MGAM2: variants seen among roughly 807,000 people sequenced by gnomAD.
MGAM2 encodes maltase-glucoamylase 2 (putative).
MGAM2 carries 98 observed loss-of-function variants against 96.1 expected under a neutral mutation model. The ratio of observed to expected loss-of-function variants is 1.02; its 90% confidence interval spans 0.87 to 1.21. MGAM2 has a LOEUF of 1.21. Among genes scored for constraint, MGAM2 ranks in the 50% most tolerant of loss-of-function variants. The pLI is 0.00. For missense variants in MGAM2, 2,055 were observed against 1,182.4 expected (o/e 1.74, Z -10.82); for synonymous variants, 749 against 414.8 (o/e 1.81, Z -9.79).
intron 46 of MGAM2, among the ~76,000 whole-genome samples, chr7:142,209,902 T>C (rs1173839809): frequency 6.6e-6 from 1 of 152,160 alleles, no homozygotes; most frequent in African/African-American, 2.4e-5. Flanking sequence ...CAAAAATGAT[T>C]TGTGGGCTTC....
intron 33 of MGAM2, among the ~76,000 whole-genome samples, chr7:142,184,747 CTTA>C (rs747114233): frequency 6.6e-6 from 1 of 152,122 alleles, no homozygotes. Flanking sequence ...ACACTTCATA[CTTA>C]TTATGAATTT....
intron 45 of MGAM2, among the ~76,000 whole-genome samples, chr7:142,203,342 AT>A (rs1295871738): frequency 6.6e-6 from 1 of 152,082 alleles, no homozygotes; most frequent in African/African-American, 2.4e-5. Flanking sequence ...AGCCAAAAAT[AT>A]TTTGCCAAGA....
At chr7:142,187,392 G>T (rs78925886) in intron 35 of MGAM2, among the ~76,000 whole-genome samples, 6,735 of 152,270 alleles carry the variant, frequency 0.044, 499 homozygotes, top group African/African-American at 0.15. Context: ...CCTCTGTTGG[G>T]GAGTTGTATC....
intron 23 of MGAM2, among the ~76,000 whole-genome samples, chr7:142,163,916 A>G (rs1262686099): frequency 6.6e-6 from 1 of 152,146 alleles, no homozygotes; most frequent in Non-Finnish European, 1.5e-5. Context: ...AATCTAATTT[A>G]TCATTATTTT....
At position 142,189,452 on chromosome 7, in the gene MGAM2, G is replaced by C; in HGVS notation, c.4293G>C (p.Glu1431Asp). The change falls in exon 37 of 48, where the codon GAG becomes GAC. Residue 1431 changes from glutamate (E) to aspartate (D), a missense_variant. Physicochemically the swap from Glu to Asp is conservative, Grantham distance 45 (BLOSUM62 2). Coordinates refer to ENST00000477922, the MANE Select transcript of MGAM2 (RefSeq NM_001293626.2). Reference protein sequence around the residue: ...QQILPDSSPVEHYNVHNLYGW... With the variant: ...QQILPDSSPVDHYNVHNLYGW... ...TCCTGCCGGACAGCTCCCCCGTGGAGCACTACAACGTGCACAACCTGTACG... is the reference window on the plus strand; with the variant it reads ...TCCTGCCGGACAGCTCCCCCGTGGACCACTACAACGTGCACAACCTGTACG... 1.2e-6 allele frequency: 1 copy of C among 843,492 alleles called. No homozygotes were observed. The highest frequency in any genetic ancestry group is 1.4e-5 in the South Asian group (1 of 69,974). The allele number at this position is 843,492 out of a possible 1,614,324, so 52.3% of individuals were successfully genotyped here.
intron 2 of MGAM2, among the ~76,000 whole-genome samples, chr7:142,117,631 C>T (rs538434477): frequency 1.3e-5 from 2 of 152,164 alleles, no homozygotes; most frequent in Non-Finnish European, 1.5e-5. Context: ...AAGAAGCTGT[C>T]CTGATGGCAG....
intron 32 of MGAM2, among the ~76,000 whole-genome samples, chr7:142,182,425 C>A (rs374777338): frequency 6.6e-6 from 1 of 152,176 alleles, no homozygotes; most frequent in Non-Finnish European, 1.5e-5. Context: ...GGAAAGACAA[C>A]GCTGCTGTCT....
At chr7:142,211,169 A>C (rs1371474448) in intron 46 of MGAM2, among the ~76,000 whole-genome samples, 2 of 152,194 alleles carry the variant, frequency 1.3e-5, no homozygotes, top group Non-Finnish European at 2.9e-5. Flanking sequence ...ATGACCATGC[A>C]AAAAATCCAT....
intron 21 of MGAM2, 131 bp downstream of exon 21, chr7:142,160,389 T>G: frequency 1.8e-6 from 1 of 561,540 alleles, no homozygotes; most frequent in South Asian, 2.4e-5. Flanking sequence ...CTTCCCCCAC[T>G]CCTTTCAAAA....
In MGAM2 at chr7:142,161,939, C is replaced by A. The variant is rs1347079424; in HGVS notation, c.2435-16C>A. 2.9e-6 allele frequency: 2 copies of A among 690,208 alleles called. No individual in the cohort carries two copies. Among genetic ancestry groups the A allele is most frequent in the Middle Eastern group, 2.3e-4 (1 of 4,318 alleles). The allele number at this position is 690,208 out of a possible 1,614,324, so 42.8% of individuals were successfully genotyped here. A position where few individuals can be genotyped will look rare whatever the true frequency, so the allele number is the denominator to read the frequency against. On this transcript the variant is annotated splice_polypyrimidine_tract_variant and intron_variant, in intron 22 of 47. Transcript: ENST00000477922. ...TTGGCTTCCCATAGTAACCGGTACT[C>A]CTCTTTCTTTTTTAGATGCTGTGAC...
intron 25 of MGAM2, among the ~76,000 whole-genome samples, chr7:142,166,899 C>T (rs1796043780): frequency 6.6e-6 from 1 of 152,174 alleles, no homozygotes; most frequent in Non-Finnish European, 1.5e-5. Flanking sequence ...GAGCTGGTTC[C>T]TTCTGAGGAC....
At chr7:142,119,536 C>T (rs57873731) in intron 2 of MGAM2, among the ~76,000 whole-genome samples, 18,005 of 152,192 alleles carry the variant, frequency 0.12, 1,248 homozygotes, top group Admixed American at 0.24. Flanking sequence ...CATGACCTAA[C>T]AATTCCACTT....
At chr7:142,217,736 AT>A (rs1350682556) in intron 46 of MGAM2, among the ~76,000 whole-genome samples, 1 of 152,152 alleles carries the variant, frequency 6.6e-6, no homozygotes, top group Non-Finnish European at 1.5e-5. Context: ...ACAACAATTT[AT>A]TGTATATTTC....
intron 17 of MGAM2, among the ~76,000 whole-genome samples, chr7:142,155,137 G>A (rs1563264331): frequency 6.6e-6 from 1 of 152,140 alleles, no homozygotes; most frequent in Non-Finnish European, 1.5e-5. Flanking sequence ...TATAGGATAG[G>A]ACAATTGGAA....
Position 142,220,575 on chromosome 7 carries a change from A to G in MGAM2, c.6064A>G (p.Thr2022Ala), listed in dbSNP as rs1233048015. ...TAATGCTACCCCTGTTCCTATCACA[A>G]CCACACTTTTTGCAACAAGTACTAT... Reference protein sequence around the residue: ...STNATPVPITTTLFATSTIGV... With the variant: ...STNATPVPITATLFATSTIGV... Residue 2022 changes from threonine (T) to alanine (A), a missense_variant, in exon 48 of 48, where the codon ACC becomes GCC. Thr to Ala is a moderately conservative substitution (Grantham distance 58). Coordinates refer to ENST00000477922, the MANE Select transcript of MGAM2 (RefSeq NM_001293626.2). 2.9e-6 allele frequency: 2 copies of G among 698,354 alleles called. No homozygotes were observed. The highest frequency in any genetic ancestry group is 5.2e-6 in the Non-Finnish European group (2 of 384,628). 43.3% of individuals were successfully genotyped at this position (698,354 alleles called of 1,614,324 possible).
intron 1 of MGAM2, among the ~76,000 whole-genome samples, chr7:142,115,212 A>G (rs4645493): frequency 0.39 from 59,520 of 152,064 alleles, 11,937 homozygotes; most frequent in South Asian, 0.47. Flanking sequence ...CTGCAAAAAA[A>G]TAAAATAAAA....
Position 142,164,912 on chromosome 7 carries a change from G to A in MGAM2, c.2541G>A (p.Met847Ile), listed in dbSNP as rs1050594211. 1.0e-5 allele frequency: 7 copies of A among 702,572 alleles called. No homozygotes were observed. The highest frequency in any genetic ancestry group is 1.8e-5 in the Non-Finnish European group (7 of 384,872). The allele number at this position is 702,572 out of a possible 1,614,324, so 43.5% of individuals were successfully genotyped here. Residue 847 changes from methionine (M) to isoleucine (I), a missense_variant, in exon 24 of 48, where the codon ATG becomes ATA. By Grantham distance (10) the Met-to-Ile change is conservative. Coordinates refer to ENST00000477922, the MANE Select transcript of MGAM2 (RefSeq NM_001293626.2). ...NNNYMDTDNL[M>I]FTDITILGMD... is the part of the protein sequence containing the mutation. The stretch of plus-strand genomic sequence containing the variant: ...ATTATATGGACACTGACAACCTCAT[G>A]TTCACAGATATCACAATCTTGGGAA...
chr7:142,143,789 CTT>C lies in MGAM2; in HGVS notation c.1340_1341del (p.Phe447SerfsTer10). 1.5e-6 allele frequency: 1 copy of C among 681,950 alleles called. No individual in the cohort carries two copies. 42.2% of individuals were successfully genotyped at this position (681,950 alleles called of 1,614,324 possible). A position where few individuals can be genotyped will look rare whatever the true frequency, so the allele number is the denominator to read the frequency against. ...VGEGYPGPTV[F>X]PDYTNPVCTE... ...CCTAGGGATATCCGGGACCGACAGT[CTT>C]TCCCGATTATACCAATCCAGTATGC... On this transcript the variant is annotated frameshift_variant, in exon 13 of 48. Coordinates refer to ENST00000477922, the MANE Select transcript of MGAM2 (RefSeq NM_001293626.2). LOFTEE classifies it high-confidence loss of function.
intron 45 of MGAM2, among the ~76,000 whole-genome samples, chr7:142,204,647 T>G (rs1797341977): frequency 6.6e-6 from 1 of 152,084 alleles, no homozygotes; most frequent in Admixed American, 6.6e-5. Flanking sequence ...TTAACATACA[T>G]AAAACATTCC....
Sources: allele counts gnomAD v4.1 joint callset (sites outside exome capture counted in the v4.1 genomes callset), GRCh38; gene constraint gnomAD v4.1.1; transcripts MANE v1.5; gene names NCBI Gene and HGNC (gene_info 2026-07-23, HGNC 2026-07-21).